The following BBS2 variants were observed in gnomAD, a reference collection of about 807,000 sequenced individuals.
BBS2 encodes the protein Bardet-Biedl syndrome 2, also known as BBSome complex member BBS2.
BBS2 carries 62 observed loss-of-function variants against 83.0 expected under a neutral mutation model. The ratio of observed to expected loss-of-function variants is 0.75; its 90% CI spans 0.61 to 0.92. The LOEUF (loss-of-function observed/expected upper bound fraction) is 0.92, where lower values mean the gene tolerates loss of function less well. Among genes scored for constraint, BBS2 ranks in the 40% least tolerant of loss-of-function variants. The pLI is 0.00. For synonymous variants in BBS2, 303 were observed against 326.1 expected (o/e 0.93, Z 0.76); for missense variants, 784 against 901.0 (o/e 0.87, Z 1.66).
intron 15 of BBS2, among the ~76,000 whole-genome samples, chr16:56,495,995 T>G (rs904613033): frequency 3.3e-5 from 5 of 152,058 alleles, no homozygotes; most frequent in African/African-American, 1.2e-4. Flanking sequence ...ATCATTATAT[T>G]TAAGTACTTC....
At position 56,519,892 on chromosome 16, in the gene BBS2, G is replaced by T; in HGVS notation, c.-30C>A. 2 of 1,573,028 alleles carry T rather than the reference G, an allele frequency of 1.3e-6. No homozygotes were observed. Among genetic ancestry groups the T allele is most frequent in the Non-Finnish European group, 1.7e-6 (2 of 1,143,150 alleles). On this transcript the variant is annotated 5_prime_UTR_variant, in exon 1 of 17. Transcript: ENST00000245157. Reference sequence around the variant, plus strand: ...GCGGCGGCTTAGGGGAGGAGGGCTGGAAGCTGGAGACAAGCGCAGCGGAGC... The same window carrying T: ...GCGGCGGCTTAGGGGAGGAGGGCTGTAAGCTGGAGACAAGCGCAGCGGAGC...
chr16:56,497,916 C>T, intron 13 of BBS2, 36 bp from the exon 14 acceptor site: 2 of 1,600,298 alleles, frequency 1.2e-6, no homozygotes, highest in Non-Finnish European at 1.7e-6. Context: ...TTAGCATCCT[C>T]AGATGTTAGA....
chr16:56,475,894 G>C, intron 17 of BBS2: 1 of 697,400 alleles, frequency 1.4e-6, no homozygotes, highest in East Asian at 2.7e-5. Flanking sequence ...AAAATGGCTT[G>C]ACAGCCACCC....
intron 2 of BBS2, among the ~76,000 whole-genome samples, chr16:56,512,358 A>G (rs1964602766): frequency 6.6e-6 from 1 of 152,232 alleles, no homozygotes; most frequent in African/African-American, 2.4e-5. Context: ...AGATAAATTA[A>G]AACATATATC....
At chr16:56,495,509 C>T (rs140843961) in intron 15 of BBS2, among the ~76,000 whole-genome samples, 1 of 152,190 alleles carries the variant, frequency 6.6e-6, no homozygotes, top group Non-Finnish European at 1.5e-5. Flanking sequence ...AATGGCACCC[C>T]ACAGGAGAAG....
At chr16:56,497,908 A>G in intron 13 of BBS2, 28 bp from the exon 14 acceptor site, 1 of 1,604,092 alleles carries the variant, frequency 6.2e-7, no homozygotes, top group African/African-American at 1.3e-5. Context: ...AGACAAGTTT[A>G]GCATCCTCAG....
intron 1 of BBS2, chr16:56,519,509 C>A (rs1356791779): frequency 3.7e-6 from 2 of 541,046 alleles, no homozygotes; most frequent in African/African-American, 3.8e-5. Flanking sequence ...TCCAGGGACC[C>A]CGACCTCGCC....
intron 15 of BBS2, among the ~76,000 whole-genome samples, chr16:56,490,136 A>G (rs1234556429): frequency 1.3e-5 from 2 of 151,592 alleles, no homozygotes; most frequent in East Asian, 1.9e-4. Context: ...ACGCACACAC[A>G]CACACACACA....
At chr16:56,519,653 G>A (rs1964860479) in intron 1 of BBS2, 93 bp downstream of exon 1, 2 of 1,000,202 alleles carry the variant, frequency 2.0e-6, no homozygotes, top group Non-Finnish European at 3.1e-6. Context: ...GGCTGGGGGC[G>A]GGGTCGGAGA....
intron 2 of BBS2, among the ~76,000 whole-genome samples, chr16:56,513,787 C>G (rs1964647274): frequency 6.6e-6 from 1 of 152,124 alleles, no homozygotes; most frequent in Non-Finnish European, 1.5e-5. Flanking sequence ...GTACAGCTCT[C>G]TGGATACACT....
Position 56,485,633 on chromosome 16 carries a change from G to A in BBS2, c.2016C>T (p.Leu672=), listed in dbSNP as rs768160656. The part of the protein sequence containing the change: ...CNNHTELLGN[L]KAVNQAIQRA... The stretch of plus-strand genomic sequence containing the variant: ...TTTGAATTGCTTGATTTACTGCTTT[G>A]AGGTTTCCCAACAGCTCTGTGTGAT... The change falls in exon 16 of 17, where the codon CTC becomes CTT. Residue 672 remains leucine, a synonymous_variant. Coordinates refer to ENST00000245157, the MANE Select transcript of BBS2 (RefSeq NM_031885.5). 6.2e-7 allele frequency: 1 copy of A among 1,613,998 alleles called. No individual in the cohort carries two copies. The highest frequency in any genetic ancestry group is 8.5e-7 in the Non-Finnish European group (1 of 1,180,006).
At chr16:56,498,837 A>G (rs572159658) in intron 12 of BBS2, 133 of 690,168 alleles carry the variant, frequency 1.9e-4, no homozygotes, top group Non-Finnish European at 2.8e-4. Context: ...AGCAGACATG[A>G]TTTCATAGCA....
chr16:56,499,778 C>A lies in BBS2; in HGVS notation c.1527G>T (p.Arg509Ser), dbSNP rs774983221. ...TGAAAGAGAAAAGCGAGATACTCAC[C>A]CTCTGTGCCCGTTCTGCAATGGTAA... ...VNFTIAERAQRVVVWLGQNFL... is the reference protein window; with the variant it reads ...VNFTIAERAQSVVVWLGQNFL... Residue 509 changes from arginine (R) to serine (S), a missense_variant and splice_region_variant, in exon 12 of 17, where the codon AGG becomes AGT. Coordinates refer to ENST00000245157, the MANE Select transcript of BBS2 (RefSeq NM_031885.5). 6.2e-7 allele frequency: 1 copy of A among 1,614,026 alleles called. No individual in the cohort carries two copies. The highest frequency in any genetic ancestry group is 1.1e-5 in the South Asian group (1 of 91,074).
At chr16:56,501,293 A>AC in intron 10 of BBS2, 60 bp downstream of exon 10, 3 of 1,605,638 alleles carry the variant, frequency 1.9e-6, no homozygotes, top group Non-Finnish European at 2.6e-6. Flanking sequence ...AAAAAAAAAA[A>AC]AAGAATGACT....
Position 56,484,670 on chromosome 16 carries a change from G to A in BBS2, c.*91C>T, listed in dbSNP as rs148188874. 1.4e-4 allele frequency: 139 copies of A among 1,006,066 alleles called. No homozygotes were observed. Among genetic ancestry groups the A allele is most frequent in the South Asian group, 1.3e-3 (100 of 74,924 alleles). 62.3% of individuals were successfully genotyped at this position (1,006,066 alleles called of 1,614,324 possible). On this transcript the variant is annotated 3_prime_UTR_variant, in exon 17 of 17. Transcript: ENST00000245157. ...AAGGTTATTTTCATTCTTAGCACCC[G>A]GGGTTCACCAGGGTGTGATCCAAAG...
chr16:56,495,057 TAAA>T (rs1458280231), intron 15 of BBS2, among the ~76,000 whole-genome samples: 1 of 152,110 alleles, frequency 6.6e-6, no homozygotes, highest in Non-Finnish European at 1.5e-5. Context: ...TGTAAGGACT[TAAA>T]AATCTCATTG....
chr16:56,505,389 G>A (rs756331563), intron 7 of BBS2, among the ~76,000 whole-genome samples: 29 of 152,158 alleles, frequency 1.9e-4, no homozygotes, highest in Non-Finnish European at 2.9e-4. Flanking sequence ...ACAAGAAAGC[G>A]AGGGCAAATG....
At chr16:56,483,454 G>A (rs1963694326), downstream of BBS2, among the ~76,000 whole-genome samples, 1 of 152,120 alleles carries the variant, frequency 6.6e-6, no homozygotes, top group African/African-American at 2.4e-5. Context: ...AGTGAACTCA[G>A]GTAGAAAAGT....
intron 11 of BBS2, 36 bp downstream of exon 11, chr16:56,500,818 C>G (rs778317384): frequency 6.2e-7 from 1 of 1,609,464 alleles, no homozygotes; most frequent in Admixed American, 1.7e-5. Flanking sequence ...CCTCTAAGTG[C>G]TGTCCTGAAA....
Sources: allele counts gnomAD v4.1 joint callset (sites outside exome capture counted in the v4.1 genomes callset), GRCh38; gene constraint gnomAD v4.1.1; transcripts MANE v1.5; gene names NCBI Gene and HGNC (gene_info 2026-07-23, HGNC 2026-07-21).